The following NRXN3 variants were observed in gnomAD, a reference collection of about 807,000 sequenced individuals.
The protein encoded by NRXN3 is neurexin 3.
Under a neutral mutation model 137.6 loss-of-function variants are expected in NRXN3, and 32 were observed. The observed-to-expected ratio is 0.23, with a 90% CI of 0.18 to 0.31. NRXN3 has a LOEUF of 0.31. Among genes scored for constraint, NRXN3 ranks in the 10% least tolerant of loss-of-function variants. NRXN3 has a pLI of 1.00. For missense variants in NRXN3, 1,574 were observed against 2,062.5 expected (o/e 0.76, Z 4.59); for synonymous variants, 798 against 784.5 (o/e 1.02, Z -0.29).
chr14:79,013,207 T>G (rs1327466379), intron 15 of NRXN3, among the ~76,000 whole-genome samples: 6 of 152,186 alleles, frequency 3.9e-5, no homozygotes, highest in Non-Finnish European at 8.8e-5. Flanking sequence ...GCTTGTGAAT[T>G]CTTCCCACAT....
At chr14:78,692,539 G>A (rs188116613) in intron 6 of NRXN3, among the ~76,000 whole-genome samples, 1 of 152,132 alleles carries the variant, frequency 6.6e-6, no homozygotes, top group Non-Finnish European at 1.5e-5. Flanking sequence ...GTTGAATAAA[G>A]GTTATTTCTA....
chr14:79,219,826 G>A (rs2069208811), intron 15 of NRXN3, among the ~76,000 whole-genome samples: 1 of 152,150 alleles, frequency 6.6e-6, no homozygotes, highest in Admixed American at 6.5e-5. Context: ...ACCCAAATTA[G>A]TTTAATGATG....
At chr14:79,833,159 C>A (rs2099328369) in intron 20 of NRXN3, among the ~76,000 whole-genome samples, 1 of 152,084 alleles carries the variant, frequency 6.6e-6, no homozygotes, top group Non-Finnish European at 1.5e-5. Context: ...ACATTCAGCT[C>A]TATTAGATTT....
At position 79,754,503 on chromosome 14, in the gene NRXN3, GATATATATAT is replaced by G. The variant is rs57962525; in HGVS notation, c.4015-50558_4015-50549del. Among the ~76,000 whole-genome samples the G allele has an allele frequency of 1.2e-3, 51 of 44,160 alleles. 1 individual carries two copies. The highest frequency in any genetic ancestry group is 4.9e-3 in the East Asian group (4 of 818). 29.0% of individuals were successfully genotyped at this position (44,160 alleles called of 152,430 possible). A position where few individuals can be genotyped will look rare whatever the true frequency, so the allele number is the denominator to read the frequency against. ...GGAAGACTCACTCTCACTCTCTCTT[GATATATATAT>G]ATATATATATATATATATATATATA... On this transcript the variant is annotated intron_variant, in intron 19 of 20. Transcript: ENST00000335750.
chr14:79,860,122 C>T (rs1195061295), intron 20 of NRXN3, among the ~76,000 whole-genome samples: 3 of 152,144 alleles, frequency 2.0e-5, no homozygotes, highest in African/African-American at 7.2e-5. Context: ...TCTTTCCCAA[C>T]TTAGTCTGTA....
At chr14:79,444,256 A>G (rs561508082) in intron 15 of NRXN3, among the ~76,000 whole-genome samples, 6 of 152,286 alleles carry the variant, frequency 3.9e-5, no homozygotes, top group Admixed American at 1.3e-4. Context: ...TTTCACTGCC[A>G]TATCTTTGGA....
chr14:78,537,603 G>C (rs971024400), intron 4 of NRXN3, among the ~76,000 whole-genome samples: 1 of 152,154 alleles, frequency 6.6e-6, no homozygotes, highest in African/African-American at 2.4e-5. Flanking sequence ...TGCAGAAACT[G>C]TTTGGTTTAA....
intron 16 of NRXN3, among the ~76,000 whole-genome samples, chr14:79,635,678 G>A (rs1487228100): frequency 1.3e-5 from 2 of 152,126 alleles, no homozygotes; most frequent in East Asian, 3.9e-4. Flanking sequence ...TCATCAAATG[G>A]CGTTTTCCCT....
At chr14:78,218,848 A>G (rs1019990822) in intron 1 of NRXN3, among the ~76,000 whole-genome samples, 11 of 152,222 alleles carry the variant, frequency 7.2e-5, no homozygotes, top group Non-Finnish European at 1.6e-4. Context: ...GCAAACTACT[A>G]CAGACTGGGT....
intron 10 of NRXN3, among the ~76,000 whole-genome samples, chr14:78,830,077 T>C (rs2098977547): frequency 6.6e-6 from 1 of 152,126 alleles, no homozygotes; most frequent in Admixed American, 6.6e-5. Flanking sequence ...TAGTATATCA[T>C]GGATTTTTTA....
intron 16 of NRXN3, among the ~76,000 whole-genome samples, chr14:79,497,570 T>C (rs1179364953): frequency 6.6e-6 from 1 of 152,212 alleles, no homozygotes; most frequent in Non-Finnish European, 1.5e-5. Flanking sequence ...ATACTATTAA[T>C]TTCTTTTTAC....
chr14:78,733,222 C>T lies in NRXN3; in HGVS notation c.2044+18083C>T, dbSNP rs2098524984. 3.9e-5 allele frequency among the ~76,000 whole-genome samples: 6 copies of T among 152,204 alleles called. No homozygotes were observed. In the South Asian group the frequency reaches 1.2e-3, roughly 32 times the overall value. Reference sequence around the variant, plus strand: ...ACCATGCCTGCTGCACTATTTTCTGCCTCATGCCTGGGATATAGAACGTGC... The same window carrying T: ...ACCATGCCTGCTGCACTATTTTCTGTCTCATGCCTGGGATATAGAACGTGC... On this transcript the variant is annotated intron_variant, in intron 8 of 20. Coordinates refer to ENST00000335750, the MANE Select transcript of NRXN3 (RefSeq NM_001330195.2).
intron 15 of NRXN3, among the ~76,000 whole-genome samples, chr14:79,051,477 G>A (rs748267177): frequency 2.0e-5 from 3 of 152,194 alleles, no homozygotes; most frequent in South Asian, 2.1e-4. Flanking sequence ...CAGGGACTGC[G>A]GCAATGTTGT....
chr14:79,681,758 C>A (rs1248825117), intron 17 of NRXN3, among the ~76,000 whole-genome samples: 1 of 144,182 alleles, frequency 6.9e-6, no homozygotes, highest in Non-Finnish European at 1.5e-5. Context: ...TTTTTTTTTT[C>A]CAATTTAACA....
At chr14:78,577,247 T>TA (rs2152339612) in intron 4 of NRXN3, among the ~76,000 whole-genome samples, 1 of 152,350 alleles carries the variant, frequency 6.6e-6, no homozygotes, top group South Asian at 2.1e-4. Flanking sequence ...ACACCAGCAG[T>TA]AATGTAATTG....
intron 15 of NRXN3, among the ~76,000 whole-genome samples, chr14:79,113,628 G>A (rs1231895113): frequency 6.6e-6 from 1 of 152,028 alleles, no homozygotes; most frequent in Non-Finnish European, 1.5e-5. Flanking sequence ...CTACTTTCTG[G>A]AATACATCCC....
At chr14:78,845,940 G>GTA (rs2099025742) in intron 10 of NRXN3, among the ~76,000 whole-genome samples, 1 of 145,788 alleles carries the variant, frequency 6.9e-6, no homozygotes, top group Non-Finnish European at 1.5e-5. Context: ...GTGTGTGTAT[G>GTA]TGTGTGTATA....
chr14:78,244,216 G>A lies in NRXN3; in HGVS notation c.709+414G>A, dbSNP rs576414458. 4.3e-4 allele frequency among the ~76,000 whole-genome samples: 66 copies of A among 152,240 alleles called. 3 individuals carry two copies. The South Asian group carries it at 0.011, about 25-fold the overall frequency. On this transcript the variant is annotated intron_variant, in intron 2 of 20. Coordinates refer to ENST00000335750, the MANE Select transcript of NRXN3 (RefSeq NM_001330195.2). The stretch of plus-strand genomic sequence containing the variant: ...AGGCCGAAGCGGGCAGATCACTTGA[G>A]GTCAGGAGTTGGAGACCAGCCTGGC...
intron 10 of NRXN3, among the ~76,000 whole-genome samples, chr14:78,847,733 C>A (rs1008942866): frequency 6.6e-6 from 1 of 152,026 alleles, no homozygotes; most frequent in Admixed American, 6.6e-5. Context: ...CCTTTTATCC[C>A]CCACTATCAA....
Sources: gnomAD v4.1 joint callset for allele counts (sites outside exome capture counted in the v4.1 genomes callset) on GRCh38, gnomAD v4.1.1 for gene constraint, MANE v1.5 for transcripts, NCBI Gene and HGNC (gene_info 2026-07-23, HGNC 2026-07-21) for gene names.